Variants in DAB2 observed in about 807,000 individuals in gnomAD.
The protein encoded by DAB2 is DAB adaptor protein 2, also known as disabled homolog 2.
A neutral mutation model predicts 71.6 loss-of-function variants in DAB2; 28 were observed. The ratio of observed to expected loss-of-function variants is 0.39; its 90% CI spans 0.29 to 0.54. DAB2 has a LOEUF of 0.54. Among genes scored for constraint, DAB2 ranks in the 20% least tolerant of loss-of-function variants. The pLI is 0.68. For synonymous variants in DAB2, 345 were observed against 339.7 expected (o/e 1.02, Z -0.17); for missense variants, 867 against 928.8 (o/e 0.93, Z 0.86).
chr5:39,417,804 T>C (rs920834730), intron 1 of DAB2: 2 of 152,220 alleles, frequency 1.3e-5, no homozygotes, highest in Admixed American at 1.3e-4. Flanking sequence ...TTCAGGCAGT[T>C]AAGCAAGCAT....
At chr5:39,423,348 G>A (rs555005861) in intron 1 of DAB2, among the ~76,000 whole-genome samples, 1 of 944 alleles carries the variant, frequency 1.1e-3, no homozygotes, top group East Asian at 2.0e-3. Context: ...AAATACTCCC[G>A]AATTCTCAAG....
chr5:39,388,104 A>G (rs1755139778), intron 9 of DAB2: 1 of 532,346 alleles, frequency 1.9e-6, no homozygotes, highest in East Asian at 3.2e-5. Context: ...TGTAAGCAAT[A>G]TTAATATAAC....
rs577872130 is a variant in DAB2 at position 39,382,644 on chromosome 5, G to T, written c.1315C>A (p.Pro439Thr). Residue 439 changes from proline to threonine, a missense_variant, in exon 10 of 15, where the codon CCA becomes ACA. By Grantham distance (38) the Pro-to-Thr change is conservative. Transcript: ENST00000320816. ...TTAGCAGTCCTTCTGCCTCTTCCTG[G>T]TTTGGTACTTTGTGGAGGTGGGATA... is the stretch of plus-strand genomic sequence containing the variant. Reference protein sequence around the residue: ...AIIPPPQSTKPGRGRRTAKSS... With the variant: ...AIIPPPQSTKTGRGRRTAKSS... 8 of 1,613,958 alleles carry T rather than the reference G, an allele frequency of 5.0e-6. No individual in the cohort carries two copies. Among genetic ancestry groups the T allele is most frequent in the Middle Eastern group, 1.7e-4 (1 of 6,060 alleles).
intron 1 of DAB2, among the ~76,000 whole-genome samples, chr5:39,416,585 C>T (rs74466472): frequency 0.028 from 4,220 of 152,182 alleles, 108 homozygotes; most frequent in African/African-American, 0.066. Context: ...CACACCAGAC[C>T]TTCTTATGTG....
chr5:39,380,538 G>C (rs142840076), intron 11 of DAB2, among the ~76,000 whole-genome samples: 22 of 152,246 alleles, frequency 1.4e-4, no homozygotes, highest in African/African-American at 4.8e-4. Flanking sequence ...GAGGTGCCAA[G>C]AGAAGAAAAA....
At chr5:39,414,530 G>A (rs906322558) in intron 1 of DAB2, among the ~76,000 whole-genome samples, 12 of 152,030 alleles carry the variant, frequency 7.9e-5, no homozygotes, top group Non-Finnish European at 1.5e-4. Context: ...CATCCATCAG[G>A]TCAGACAGAT....
In DAB2 at chr5:39,377,140, A is replaced by T. The variant is rs768205132; in HGVS notation, c.1647T>A (p.Ser549Arg). The T allele has an allele frequency of 6.2e-7, 1 of 1,614,156 alleles. No individual in the cohort carries two copies. The highest frequency in any genetic ancestry group is 8.5e-7 in the Non-Finnish European group (1 of 1,180,022). ...GCTGGTTCCAACCTGAAACAGCTGG[A>T]CTTGTACCAAAAATGACGGGCTGAC... Reference protein sequence around the residue: ...GFSQPVIFGTSPAVSGWNQPS... With the variant: ...GFSQPVIFGTRPAVSGWNQPS... Residue 549 changes from serine (S) to arginine (R), a missense_variant, in exon 12 of 15, where the codon AGT (serine) becomes AGA (arginine). Physicochemically the swap from Ser to Arg is moderately radical, Grantham distance 110. Coordinates refer to ENST00000320816, the MANE Select transcript of DAB2 (RefSeq NM_001343.4).
chr5:39,400,655 CTT>C (rs1264472145), intron 1 of DAB2, among the ~76,000 whole-genome samples: 1 of 152,180 alleles, frequency 6.6e-6, no homozygotes, highest in African/African-American at 2.4e-5. Flanking sequence ...TACTGTCTCT[CTT>C]GTCTTTTCTT....
chr5:39,402,225 G>A lies in DAB2; in HGVS notation c.-101-7804C>T, dbSNP rs1181098952. On this transcript the variant is annotated intron_variant, in intron 1 of 14. Transcript: ENST00000320816. ...GGAGCCACAGTTCAAGATAAGATTT[G>A]GGTGGAGACAAAGCCAAACCATATC... Among the ~76,000 whole-genome samples the A allele has an allele frequency of 2.0e-5, 3 of 152,114 alleles. No individual in the cohort carries two copies. In the East Asian group the frequency reaches 5.8e-4, roughly 29 times the overall value.
At position 39,371,924 on chromosome 5, in the gene DAB2, T is replaced by C. The variant is rs1754709065; in HGVS notation, c.*1507A>G. ...TGATAGAAAATTATGCCATATATGA[T>C]CAACTATTACCATTAAACATAAAAC... On this transcript the variant is annotated 3_prime_UTR_variant, in exon 15 of 15. Transcript: ENST00000320816. 1 of 152,140 alleles carries C rather than the reference T, an allele frequency of 6.6e-6. No individual in the cohort carries two copies. The highest frequency in any genetic ancestry group is 1.5e-5 in the Non-Finnish European group (1 of 68,024). 9.4% of individuals were successfully genotyped at this position (152,140 alleles called of 1,614,324 possible).
intron 5 of DAB2, 56 bp from the exon 6 acceptor site, chr5:39,389,988 T>G: frequency 8.3e-7 from 1 of 1,207,986 alleles, no homozygotes; most frequent in South Asian, 1.5e-5. Flanking sequence ...TTTATTTCCT[T>G]TGTCTGCTAT....
intron 1 of DAB2, among the ~76,000 whole-genome samples, chr5:39,418,812 G>GT (rs1193172701): frequency 6.6e-6 from 1 of 152,178 alleles, no homozygotes; most frequent in Non-Finnish European, 1.5e-5. Flanking sequence ...TATCAGCTTA[G>GT]TTATTGCATT....
rs762546962 is a variant in DAB2 at position 39,371,855 on chromosome 5, A to T, written c.*1576T>A. ...GCACATTTAGGTATTTGGACATTTA[A>T]AGTACTATTTCAAGTCTGTGTTTAT... is the stretch of plus-strand genomic sequence containing the variant. On this transcript the variant is annotated 3_prime_UTR_variant, in exon 15 of 15. Transcript: ENST00000320816. The T allele has an allele frequency of 7.9e-5, 12 of 152,222 alleles. No homozygotes were observed. Among genetic ancestry groups the T allele is most frequent in the Non-Finnish European group, 1.6e-4 (11 of 68,034 alleles). The allele number at this position is 152,222 out of a possible 1,614,324, so 9.4% of individuals were successfully genotyped here. A position where few individuals can be genotyped will look rare whatever the true frequency, so the allele number is the denominator to read the frequency against.
rs142000691 is a variant in DAB2, at chr5:39,374,963, C to T, written c.*5+51G>A. ...AAATTTCACTCTTTATTCCATGTCA[C>T]CCTTTCTCACAAAAACCCCTGAGAC... On this transcript the variant is annotated intron_variant, in intron 14 of 14. Coordinates refer to ENST00000320816, the MANE Select transcript of DAB2 (RefSeq NM_001343.4). The T allele has an allele frequency of 1.2e-5, 14 of 1,132,948 alleles. No homozygotes were observed. In the East Asian group the frequency reaches 3.1e-4, roughly 25 times the overall value. 70.2% of individuals were successfully genotyped at this position (1,132,948 alleles called of 1,614,324 possible).
At chr5:39,389,599 C>T (rs1755176250) in intron 6 of DAB2, among the ~76,000 whole-genome samples, 1 of 152,144 alleles carries the variant, frequency 6.6e-6, no homozygotes, top group Non-Finnish European at 1.5e-5. Context: ...CAACCTCTGC[C>T]TCCCGGGTTC....
At chr5:39,406,718 C>A (rs1368691468) in intron 1 of DAB2, among the ~76,000 whole-genome samples, 1 of 152,148 alleles carries the variant, frequency 6.6e-6, no homozygotes, top group Non-Finnish European at 1.5e-5. Flanking sequence ...TTTAGAAGAA[C>A]TTTATTTTGT....
intron 1 of DAB2, among the ~76,000 whole-genome samples, chr5:39,411,298 T>TA (rs1286547626): frequency 1.3e-5 from 2 of 152,266 alleles, no homozygotes; most frequent in South Asian, 4.1e-4. Flanking sequence ...CCTTGGTTCA[T>TA]AAAAAACATA....
chr5:39,374,287 G>T (rs1474886340), intron 14 of DAB2, among the ~76,000 whole-genome samples: 2 of 141,926 alleles, frequency 1.4e-5, no homozygotes, highest in African/African-American at 5.1e-5. Context: ...AATGGGGAGA[G>T]CGTTCCTTTC....
rs1264887508 is a variant in DAB2, at chr5:39,383,210, A to C, written c.749T>G (p.Leu250Ter). The C allele has an allele frequency of 6.2e-7, 1 of 1,613,990 alleles. No individual in the cohort carries two copies. The highest frequency in any genetic ancestry group is 1.1e-5 in the South Asian group (1 of 91,072). Residue 250 changes from leucine to a stop codon, truncating the protein, a stop_gained, in exon 10 of 15, where the codon TTA (leucine) becomes TGA (stop). Coordinates refer to ENST00000320816, the MANE Select transcript of DAB2 (RefSeq NM_001343.4). LOFTEE classifies it high-confidence loss of function. ...GTTTGTTAAGAATGGATTTTCTCTT[A>C]AAGAATTCTGATTGGTGTCGATTTC... ...NSEIDTNQNS[L>*]RENPFLTNGI...
Sources: allele counts gnomAD v4.1 joint callset (sites outside exome capture counted in the v4.1 genomes callset), GRCh38; gene constraint gnomAD v4.1.1; transcripts MANE v1.5; gene names NCBI Gene and HGNC (gene_info 2026-07-23, HGNC 2026-07-21).